The following RPL3L variants were observed in gnomAD, a reference collection of about 807,000 sequenced individuals.
RPL3L encodes ribosomal protein uL3-like.
A neutral mutation model predicts 44.5 loss-of-function variants in RPL3L; 44 were observed. That is an observed-to-expected ratio of 0.99 (90% CI 0.78 to 1.27). The LOEUF is 1.27. Among genes scored for constraint, RPL3L ranks in the 50% most tolerant of loss-of-function variants. The pLI is 0.00. For synonymous variants in RPL3L, 292 were observed against 230.7 expected (o/e 1.27, Z -2.41); for missense variants, 631 against 569.1 (o/e 1.11, Z -1.11).
chr16:1,946,505 G>A (rs566820655), intron 7 of RPL3L, 120 bp downstream of exon 7: 80 of 1,029,334 alleles, frequency 7.8e-5, no homozygotes, highest in African/African-American at 6.8e-4. Flanking sequence ...GGCAGGGAGC[G>A]TCCAGCTGAG....
At chr16:1,948,000 T>C (rs560262828) in intron 4 of RPL3L, among the ~76,000 whole-genome samples, 2,183 of 149,072 alleles carry the variant, frequency 0.015, 24 homozygotes, top group Non-Finnish European at 0.024. Context: ...TGCAATGGCA[T>C]GATCTCGGCT....
At chr16:1,952,656 G>A (rs1289501651) in intron 3 of RPL3L, among the ~76,000 whole-genome samples, 2 of 152,166 alleles carry the variant, frequency 1.3e-5, no homozygotes, top group African/African-American at 2.4e-5. Flanking sequence ...GATTACAGGC[G>A]TGAGCCAGCA....
At chr16:1,954,491 T>G in intron 1 of RPL3L, 138 bp downstream of exon 1, 1 of 1,025,548 alleles carries the variant, frequency 9.8e-7, no homozygotes, top group Non-Finnish European at 1.4e-6. Flanking sequence ...CCTCGTCCCC[T>G]TGTTTCCCCC....
chr16:1,947,107 G>A lies in RPL3L; in HGVS notation c.689-9C>T. 3.1e-6 allele frequency: 5 copies of A among 1,613,514 alleles called. No individual in the cohort carries two copies. The highest frequency in any genetic ancestry group is 4.5e-5 in the East Asian group (2 of 44,876). ...CCAGCGGCTTGTGACCCCTGTGAGTGAGAGGGGCTGGTGGCTGAGAGGCCA... is the reference window on the plus strand; with the variant it reads ...CCAGCGGCTTGTGACCCCTGTGAGTAAGAGGGGCTGGTGGCTGAGAGGCCA... On this transcript the variant is annotated splice_polypyrimidine_tract_variant and intron_variant, in intron 5 of 9. Coordinates refer to ENST00000268661, the MANE Select transcript of RPL3L (RefSeq NM_005061.3).
chr16:1,952,399 CA>C (rs2083176918), intron 3 of RPL3L, among the ~76,000 whole-genome samples: 1 of 152,090 alleles, frequency 6.6e-6, no homozygotes, highest in African/African-American at 2.4e-5. Flanking sequence ...GAGATTGAGA[CA>C]GGGTTTCACT....
intron 3 of RPL3L, among the ~76,000 whole-genome samples, chr16:1,951,726 CATTATTATTATTATTATT>C (rs71394716): frequency 1.8e-3 from 244 of 138,034 alleles, no homozygotes; most frequent in South Asian, 8.3e-3. Context: ...GGGAGGTGGA[CATTATTATTATTATTATT>C]ATTATTATTA....
chr16:1,950,543 C>T (rs966499696), intron 4 of RPL3L, among the ~76,000 whole-genome samples: 3 of 152,126 alleles, frequency 2.0e-5, no homozygotes, highest in Non-Finnish European at 4.4e-5. Flanking sequence ...CGCTGGAAAC[C>T]GAAGAGAGGT....
At chr16:1,952,766 G>T in intron 3 of RPL3L, 108 bp downstream of exon 3, 3 of 1,302,114 alleles carry the variant, frequency 2.3e-6, no homozygotes, top group East Asian at 2.3e-5. Context: ...TTGAGACTTC[G>T]CTTCCTACTC....
chr16:1,946,366 T>C (rs891930646), intron 7 of RPL3L, among the ~76,000 whole-genome samples: 1 of 152,236 alleles, frequency 6.6e-6, no homozygotes, highest in Non-Finnish European at 1.5e-5. Context: ...TTCTTGCTTG[T>C]GACTATATCC....
At chr16:1,947,855 G>A (rs979330412) in intron 4 of RPL3L, among the ~76,000 whole-genome samples, 1 of 152,140 alleles carries the variant, frequency 6.6e-6, no homozygotes, top group African/African-American at 2.4e-5. Flanking sequence ...GCAGACGGTG[G>A]GGAGCAAGGG....
chr16:1,947,021 C>G lies in RPL3L; in HGVS notation c.766G>C (p.Ala256Pro), dbSNP rs150384057. The change falls in exon 6 of 10, where the codon GCC (alanine) becomes CCC (proline). Residue 256 changes from alanine to proline, a missense_variant. Transcript: ENST00000268661. ...CAGCCCACGCGGGCGGGGTGCCAGG[C>G]GCCAATGCAGGCCACCTTGCGCAGG... is the stretch of plus-strand genomic sequence containing the variant. ...KGLRKVACIG[A>P]WHPARVGCSI... 2.3e-5 allele frequency: 37 copies of G among 1,612,496 alleles called. No individual in the cohort carries two copies. In the South Asian group the frequency reaches 3.3e-4, roughly 14 times the overall value.
Position 1,947,330 on chromosome 16 carries a change from C to G in RPL3L, c.552G>C (p.Gln184His). The change falls in exon 5 of 10, where the codon CAG becomes CAC. Residue 184 changes from glutamine (Q) to histidine (H), a missense_variant. By Grantham distance (24) the Gln-to-His change is conservative. Coordinates refer to ENST00000268661, the MANE Select transcript of RPL3L (RefSeq NM_005061.3). ...RQKKAHIMEIQLNGGTVAEKV... is the reference protein window; with the variant it reads ...RQKKAHIMEIHLNGGTVAEKV... ...TCTCGGCCACCGTGCCACCGTTCAG[C>G]TGGATCTCCATGATGTGGGCCTTCT... The G allele has an allele frequency of 1.2e-6, 2 of 1,609,512 alleles. No individual in the cohort carries two copies. The highest frequency in any genetic ancestry group is 4.5e-5 in the East Asian group (2 of 44,836).
intron 3 of RPL3L, among the ~76,000 whole-genome samples, chr16:1,951,640 C>G (rs1279629802): frequency 6.6e-6 from 1 of 151,834 alleles, no homozygotes; most frequent in African/African-American, 2.4e-5. Context: ...CCTTAGCCTC[C>G]CAAAGTGCTG....
chr16:1,944,979 G>T (rs11640479), intron 9 of RPL3L, 86 bp from the exon 10 acceptor site: 432,955 of 1,567,312 alleles, frequency 0.28, 65,626 homozygotes, highest in African/African-American at 0.53. Flanking sequence ...ATCACTCAGG[G>T]CCGGCCCTAC....
intron 1 of RPL3L, 74 bp downstream of exon 1, chr16:1,954,555 C>A: frequency 6.8e-7 from 1 of 1,476,138 alleles, no homozygotes; most frequent in Non-Finnish European, 9.1e-7. Context: ...AGGGAGCATC[C>A]AGAAGCCCAG....
Position 1,947,247 on chromosome 16 carries a change from C to G in RPL3L, c.635G>C (p.Ser212Thr), listed in dbSNP as rs141998697. 329 of 1,613,466 alleles carry G rather than the reference C, an allele frequency of 2.0e-4. No homozygotes were observed. Among genetic ancestry groups the G allele is most frequent in the Non-Finnish European group, 2.2e-4 (262 of 1,179,784 alleles). ...EKQVPVHSVF[S>T]QSEVIDVIAV... ...AATGACATCAATGACCTCACTCTGG[C>G]TGAACACGCTGTGCACGGGCACCTG... is the stretch of plus-strand genomic sequence containing the variant. The change falls in exon 5 of 10, where the codon AGC becomes ACC. Residue 212 changes from serine (S) to threonine (T), a missense_variant. Coordinates refer to ENST00000268661, the MANE Select transcript of RPL3L (RefSeq NM_005061.3).
At chr16:1,946,582 C>T in intron 7 of RPL3L, 43 bp downstream of exon 7, 2 of 1,589,002 alleles carry the variant, frequency 1.3e-6, no homozygotes, top group South Asian at 1.1e-5. Flanking sequence ...CAGCCATCAT[C>T]AGCGGTGTGA....
chr16:1,948,439 G>A (rs1276226018), intron 4 of RPL3L, among the ~76,000 whole-genome samples: 1 of 151,912 alleles, frequency 6.6e-6, no homozygotes, highest in Non-Finnish European at 1.5e-5. Context: ...TGGCCAGGCT[G>A]GTTTCAAACT....
At chr16:1,946,830 A>G in intron 6 of RPL3L, 104 bp from the exon 7 acceptor site, 1 of 1,567,808 alleles carries the variant, frequency 6.4e-7, no homozygotes, top group Admixed American at 1.7e-5. Context: ...TGGTGGGGGC[A>G]TCTTGTGTCC....
Sources: gnomAD v4.1 joint callset for allele counts (sites outside exome capture counted in the v4.1 genomes callset) on GRCh38, gnomAD v4.1.1 for gene constraint, MANE v1.5 for transcripts, NCBI Gene and HGNC (gene_info 2026-07-23, HGNC 2026-07-21) for gene names.